MYCBP2: variants seen among roughly 807,000 people sequenced by gnomAD.
MYCBP2 encodes the protein MYC binding protein 2.
A neutral mutation model predicts 525.3 loss-of-function variants in MYCBP2; 120 were observed. The observed-to-expected ratio is 0.23, with a 90% CI of 0.20 to 0.27. The LOEUF is 0.27. MYCBP2 is among the 10% of genes least tolerant of loss of function. The pLI, the probability that MYCBP2 is intolerant of heterozygous loss-of-function variation, is 1.00. For missense variants in MYCBP2, 4,149 were observed against 5,657.1 expected, an observed-to-expected ratio of 0.73 and a Z score of 8.55; for synonymous variants, 1,894 against 1,955.8, an observed-to-expected ratio of 0.97 and a Z score of 0.83.
In MYCBP2 at chr13:77,098,141, T is replaced by C; in HGVS notation, c.9013A>G (p.Ser3005Gly). 3 of 1,613,696 alleles carry C rather than the reference T, an allele frequency of 1.9e-6. No homozygotes were observed. Among genetic ancestry groups the C allele is most frequent in the Non-Finnish European group, 2.5e-6 (3 of 1,179,790 alleles). ...GATCCATCTCCTTTGAAAAGAAAAC[T>C]CGATTTTTCTTTTTTGGGCCTGGTG... ...RHTRPKKEKS[S>G]FLFKGDGSKP... The change falls in exon 56 of 83, where the codon AGT becomes GGT. Residue 3005 changes from serine to glycine, a missense_variant. By Grantham distance (56) the Ser-to-Gly change is moderately conservative. Coordinates refer to ENST00000544440, the MANE Select transcript of MYCBP2 (RefSeq NM_015057.5).
intron 47 of MYCBP2, among the ~76,000 whole-genome samples, chr13:77,149,816 G>C (rs562187518): frequency 1.3e-5 from 2 of 151,980 alleles, no homozygotes; most frequent in African/African-American, 4.8e-5. Context: ...TGATTCTATT[G>C]AATCTATCCT....
intron 13 of MYCBP2, among the ~76,000 whole-genome samples, chr13:77,258,324 T>A (rs1001465875): frequency 3.3e-5 from 5 of 152,238 alleles, no homozygotes; most frequent in African/African-American, 1.2e-4. Flanking sequence ...CACAATCCAA[T>A]ACACAGTTAT....
chr13:77,047,455 G>A (rs1157733629), intron 82 of MYCBP2, among the ~76,000 whole-genome samples: 2 of 152,146 alleles, frequency 1.3e-5, no homozygotes, highest in East Asian at 3.9e-4. Context: ...TGGTCTGGAT[G>A]TTTTTGTGCT....
intron 43 of MYCBP2, among the ~76,000 whole-genome samples, chr13:77,162,468 T>C (rs1258658265): frequency 3.3e-5 from 5 of 152,208 alleles, no homozygotes; most frequent in Non-Finnish European, 7.3e-5. Flanking sequence ...TAAATGTTAC[T>C]AATAAAGTAA....
At chr13:77,158,884 T>C (rs919879089) in intron 44 of MYCBP2, among the ~76,000 whole-genome samples, 1 of 152,170 alleles carries the variant, frequency 6.6e-6, no homozygotes, top group South Asian at 2.1e-4. Context: ...CACATCTCAT[T>C]AGCCTGCCTA....
At chr13:77,100,286 TC>T (rs2046873180) in intron 55 of MYCBP2, 3 of 152,086 alleles carry the variant, frequency 2.0e-5, no homozygotes, top group Admixed American at 2.0e-4. Context: ...ACGCTCTATT[TC>T]TCTATGGCTC....
Position 77,101,615 on chromosome 13 carries a change from A to T in MYCBP2, c.8141-2602T>A, listed in dbSNP as rs566680690. Among the ~76,000 whole-genome samples the T allele has an allele frequency of 2.6e-5, 4 of 152,192 alleles. No individual in the cohort carries two copies. In the South Asian group the frequency reaches 8.3e-4, roughly 32 times the overall value. ...CTCTAATAGTGGTGAATATTTTCTT[A>T]AGATCTGTAAGTGGTGACAGCTAAA... On this transcript the variant is annotated intron_variant, in intron 55 of 82. Coordinates refer to ENST00000544440, the MANE Select transcript of MYCBP2 (RefSeq NM_015057.5).
intron 72 of MYCBP2, among the ~76,000 whole-genome samples, chr13:77,065,023 A>G (rs1340466729): frequency 6.6e-6 from 1 of 152,244 alleles, no homozygotes; most frequent in Non-Finnish European, 1.5e-5. Flanking sequence ...TGATAAAAAC[A>G]TAACAGAAAT....
At chr13:77,137,517 C>A (rs989065264) in intron 52 of MYCBP2, among the ~76,000 whole-genome samples, 1 of 152,110 alleles carries the variant, frequency 6.6e-6, no homozygotes, top group Non-Finnish European at 1.5e-5. Context: ...CTTTGTGAGG[C>A]CAAGGTAAGA....
chr13:77,225,899 T>C (rs1427159942), intron 18 of MYCBP2, among the ~76,000 whole-genome samples: 1 of 152,212 alleles, frequency 6.6e-6, no homozygotes. Flanking sequence ...CCATAAAAAA[T>C]TACTGCATGC....
At chr13:77,204,696 C>T (rs1362024880) in intron 26 of MYCBP2, among the ~76,000 whole-genome samples, 13 of 129,148 alleles carry the variant, frequency 1.0e-4, no homozygotes, top group Non-Finnish European at 2.1e-4. Context: ...GGCACATATA[C>T]ACCATGGAAT....
intron 2 of MYCBP2, among the ~76,000 whole-genome samples, chr13:77,295,478 C>A (rs1158198042): frequency 6.6e-6 from 1 of 152,138 alleles, no homozygotes; most frequent in Non-Finnish European, 1.5e-5. Flanking sequence ...CAAGATAGAG[C>A]CACCAAATAA....
chr13:77,202,122 A>G (rs945338007), intron 26 of MYCBP2, among the ~76,000 whole-genome samples: 1 of 152,228 alleles, frequency 6.6e-6, no homozygotes, highest in African/African-American at 2.4e-5. Flanking sequence ...TGAAAGGATC[A>G]ACAAAATTGA....
At chr13:77,209,431 T>C (rs1478311459) in intron 23 of MYCBP2, among the ~76,000 whole-genome samples, 1 of 152,226 alleles carries the variant, frequency 6.6e-6, no homozygotes, top group Non-Finnish European at 1.5e-5. Context: ...ATGTAAGAAC[T>C]ACAAAACAGT....
intron 16 of MYCBP2, 57 bp from the exon 17 acceptor site, chr13:77,243,217 T>C: frequency 1.6e-6 from 2 of 1,242,528 alleles, no homozygotes; most frequent in Non-Finnish European, 2.4e-6. Context: ...ATAATAGCTA[T>C]GACAGAACTA....
At chr13:77,240,065 T>A (rs1237112331) in intron 17 of MYCBP2, among the ~76,000 whole-genome samples, 2 of 152,212 alleles carry the variant, frequency 1.3e-5, no homozygotes, top group African/African-American at 4.8e-5. Flanking sequence ...TTTATCTCTA[T>A]GGAAGTGTAA....
chr13:77,143,377 A>G (rs917062218), intron 49 of MYCBP2, among the ~76,000 whole-genome samples: 1 of 152,140 alleles, frequency 6.6e-6, no homozygotes, highest in Admixed American at 6.6e-5. Flanking sequence ...ATGTATTTCT[A>G]TTTTTTGGAG....
intron 26 of MYCBP2, 93 bp from the exon 27 acceptor site, chr13:77,194,337 C>T: frequency 2.4e-6 from 2 of 818,382 alleles, no homozygotes; most frequent in Admixed American, 4.2e-5. Flanking sequence ...TGAATGTATG[C>T]TGGACCATAC....
rs374230158 is a variant in MYCBP2 at position 77,105,472 on chromosome 13, CAT to C, written c.8141-6461_8141-6460del. Among the ~76,000 whole-genome samples, 980 of 152,110 alleles carry C rather than the reference CAT, an allele frequency of 6.4e-3. 7 individuals carry two copies. Among genetic ancestry groups the C allele is most frequent in the African/African-American group, 0.022 (913 of 41,536 alleles). On this transcript the variant is annotated intron_variant, in intron 55 of 82. Coordinates refer to ENST00000544440, the MANE Select transcript of MYCBP2 (RefSeq NM_015057.5). ...AATTAAGCTGTTGCTGAAAACAACA[CAT>C]GTTCTACACATTAAATTTTTACAAA...
Sources: allele counts gnomAD v4.1 joint callset (sites outside exome capture counted in the v4.1 genomes callset), GRCh38; gene constraint gnomAD v4.1.1; transcripts MANE v1.5; gene names NCBI Gene and HGNC (gene_info 2026-07-23, HGNC 2026-07-21).